The following SFXN5 variants were observed in gnomAD, a reference collection of about 807,000 sequenced individuals.
SFXN5 encodes sideroflexin-5.
A neutral mutation model predicts 50.2 loss-of-function variants in SFXN5; 43 were observed. The ratio of observed to expected loss-of-function variants is 0.86; its 90% confidence interval spans 0.67 to 1.11. SFXN5 has a LOEUF of 1.11. Among genes scored for constraint, SFXN5 ranks in the 50% least tolerant of loss-of-function variants. The pLI, the probability that SFXN5 is intolerant of heterozygous loss-of-function variation, is 0.00. For missense variants in SFXN5, 463 were observed against 454.1 expected (o/e 1.02, Z -0.18); for synonymous variants, 203 against 185.8 (o/e 1.09, Z -0.75).
chr2:73,066,165 T>C (rs1001117609), intron 1 of SFXN5, among the ~76,000 whole-genome samples: 6 of 151,532 alleles, frequency 4.0e-5, no homozygotes, highest in Admixed American at 1.3e-4. Flanking sequence ...ACCACAGAGA[T>C]GCCATCAGCA....
chr2:73,041,720 T>G, intron 2 of SFXN5: 1 of 335,202 alleles, frequency 3.0e-6, no homozygotes, highest in South Asian at 2.3e-5. Flanking sequence ...CTCTTTTTCC[T>G]GAGACAACGT....
At chr2:72,984,811 G>T (rs1309931594) in intron 10 of SFXN5, among the ~76,000 whole-genome samples, 1 of 152,172 alleles carries the variant, frequency 6.6e-6, no homozygotes, top group Non-Finnish European at 1.5e-5. Flanking sequence ...GGTAGAATGG[G>T]GTGGGAATGG....
chr2:73,055,019 T>C (rs1277739620), intron 2 of SFXN5, among the ~76,000 whole-genome samples: 7 of 152,266 alleles, frequency 4.6e-5, no homozygotes, highest in Admixed American at 6.5e-5. Context: ...CCACATTTCA[T>C]GTTACTGGGC....
rs542860165 is a variant in SFXN5 at position 73,007,964 on chromosome 2, G to A, written c.358-6386C>T. On this transcript the variant is annotated intron_variant, in intron 6 of 13. Coordinates refer to ENST00000272433, the MANE Select transcript of SFXN5 (RefSeq NM_144579.3). The stretch of plus-strand genomic sequence containing the variant: ...GCGACACCTCCTGTGTGGTGAGCTA[G>A]GTCAACATGGCTGGGGTCTGGTAAT... 9.2e-5 allele frequency among the ~76,000 whole-genome samples: 14 copies of A among 152,314 alleles called. No individual in the cohort carries two copies. In the South Asian group the frequency reaches 2.9e-3, roughly 32 times the overall value.
chr2:73,000,449 T>G lies in SFXN5; in HGVS notation c.450A>C (p.Ala150=), dbSNP rs146657142. 229 of 1,560,236 alleles carry G rather than the reference T, an allele frequency of 1.5e-4. No individual in the cohort carries two copies. In the African/African-American group the frequency reaches 2.7e-3, roughly 18 times the overall value. The change falls in exon 8 of 14, where the codon GCA becomes GCC. Residue 150 remains alanine, a synonymous_variant. Coordinates refer to ENST00000272433, the MANE Select transcript of SFXN5 (RefSeq NM_144579.3). Reference sequence around the variant, plus strand: ...TGCTCACCTTGGTCGCATTGCGGTTTGCATAGTTGACACAGGCATTGTGGC... The same window carrying G: ...TGCTCACCTTGGTCGCATTGCGGTTGGCATAGTTGACACAGGCATTGTGGC... ...NQSHNACVNY[A]NRNATKPSPA...
rs2105340202 is a variant in SFXN5 at position 72,953,160 on chromosome 2, T to C, written c.945+7971A>G. On this transcript the variant is annotated intron_variant, in intron 13 of 13. Coordinates refer to ENST00000272433, the MANE Select transcript of SFXN5 (RefSeq NM_144579.3). This position sits in a 1 kb window ranked among gnomAD's most constrained non-coding sequence, Gnocchi z 4.1. ...TGTGGGGAACAGGCAAAATGACAGGTGGCGTTGGCGTTCCTGGGCTCTGAG... is the reference window on the plus strand; with the variant it reads ...TGTGGGGAACAGGCAAAATGACAGGCGGCGTTGGCGTTCCTGGGCTCTGAG... Among the ~76,000 whole-genome samples the C allele has an allele frequency of 6.6e-6, 1 of 152,176 alleles. No homozygotes were observed. Among genetic ancestry groups the C allele is most frequent in the South Asian group, 2.1e-4 (1 of 4,820 alleles).
chr2:72,968,307 AGC>A (rs1674700221), intron 12 of SFXN5, 139 bp downstream of exon 12: 30 of 704,230 alleles, frequency 4.3e-5, no homozygotes, highest in Non-Finnish European at 6.6e-5. Context: ...TCCAAGATGG[AGC>A]AAGACACCTT....
At chr2:73,003,220 G>A (rs1185962603) in intron 6 of SFXN5, among the ~76,000 whole-genome samples, 4 of 152,088 alleles carry the variant, frequency 2.6e-5, no homozygotes, top group African/African-American at 4.8e-5. Context: ...TTCTACCACC[G>A]GAGGAAGTTA....
At position 73,071,606 on chromosome 2, in the gene SFXN5, G is replaced by A. The variant is rs1213486041; in HGVS notation, c.100C>T (p.Gln34Ter). Residue 34 changes from glutamine to a stop codon, truncating the protein, a stop_gained and splice_region_variant, in exon 1 of 14, where the codon CAG (glutamine) becomes TAG (stop). Transcript: ENST00000272433. LOFTEE classifies it high-confidence loss of function. The stretch of plus-strand genomic sequence containing the variant: ...GCAGACCACAGCCCGGTCCTCACCT[G>A]CTGGAAGCGGGGTTTGCCCAGTTGG... Reference protein sequence around the residue: ...PFQLGKPRFQQTSFYGRFRHF... With the variant: ...PFQLGKPRFQ 6.2e-7 allele frequency: 1 copy of A among 1,613,622 alleles called. No homozygotes were observed. The highest frequency in any genetic ancestry group is 1.1e-5 in the South Asian group (1 of 91,012).
chr2:73,018,806 T>A (rs1047734445), intron 6 of SFXN5, among the ~76,000 whole-genome samples: 1 of 152,236 alleles, frequency 6.6e-6, no homozygotes, highest in African/African-American at 2.4e-5. Flanking sequence ...ATATAGTAAG[T>A]GCATCTTCAG....
chr2:72,952,751 G>A (rs1013869468), intron 13 of SFXN5, among the ~76,000 whole-genome samples: 2 of 152,140 alleles, frequency 1.3e-5, no homozygotes, highest in East Asian at 1.9e-4. Context: ...CTGGTGCCAC[G>A]AGGATTATAT....
chr2:72,999,747 A>G (rs1020110782), intron 8 of SFXN5, among the ~76,000 whole-genome samples: 6 of 152,122 alleles, frequency 3.9e-5, no homozygotes, highest in African/African-American at 1.4e-4. Flanking sequence ...CCCCAAGGTG[A>G]GCAAATGTTA....
chr2:73,061,723 G>C (rs1244413722), intron 1 of SFXN5, among the ~76,000 whole-genome samples: 1 of 152,022 alleles, frequency 6.6e-6, no homozygotes, highest in Non-Finnish European at 1.5e-5. Context: ...GCTTATGTAT[G>C]ATTTATATTT....
chr2:72,970,128 G>T (rs1354652422), intron 11 of SFXN5, among the ~76,000 whole-genome samples: 1 of 152,198 alleles, frequency 6.6e-6, no homozygotes, highest in Non-Finnish European at 1.5e-5. Flanking sequence ...AGTTATCATG[G>T]CATGGCTGTC....
intron 12 of SFXN5, among the ~76,000 whole-genome samples, chr2:72,965,148 G>A (rs1282755445): frequency 6.6e-6 from 1 of 152,216 alleles, no homozygotes; most frequent in African/African-American, 2.4e-5. Flanking sequence ...CATCAGTGGA[G>A]GAACACACAA....
Position 73,036,788 on chromosome 2 carries a change from G to T in SFXN5, c.249+4066C>A, listed in dbSNP as rs375437790. On this transcript the variant is annotated intron_variant, in intron 3 of 13. Transcript: ENST00000272433. ...ACAGGTCTCAGAAGAACACGAAAAG[G>T]GCTGGGGACTGCTTCGGCCTGAGTA... Among the ~76,000 whole-genome samples the T allele has an allele frequency of 1.1e-4, 16 of 152,342 alleles. No homozygotes were observed. The South Asian group carries it at 3.3e-3, about 32-fold the overall frequency.
At chr2:73,026,108 T>A (rs922092775) in intron 3 of SFXN5, among the ~76,000 whole-genome samples, 1 of 150,720 alleles carries the variant, frequency 6.6e-6, no homozygotes, top group African/African-American at 2.5e-5. Flanking sequence ...ATTCCAGTGG[T>A]CTAATGCTGT....
At chr2:73,031,700 T>A (rs902317640) in intron 3 of SFXN5, among the ~76,000 whole-genome samples, 6 of 152,158 alleles carry the variant, frequency 3.9e-5, no homozygotes, top group Non-Finnish European at 7.3e-5. Context: ...GGGAGGAACA[T>A]CTCCATTTTC....
chr2:72,968,622 C>T, intron 11 of SFXN5, 89 bp from the exon 12 acceptor site: 4 of 1,234,764 alleles, frequency 3.2e-6, no homozygotes, highest in Non-Finnish European at 4.7e-6. Context: ...TGTGCCACCA[C>T]AACGCATGTG....
Sources: gnomAD v4.1 joint callset for allele counts (sites outside exome capture counted in the v4.1 genomes callset) on GRCh38, gnomAD v4.1.1 for gene constraint, Gnocchi (gnomAD v3.1) non-coding constraint, MANE v1.5 for transcripts, NCBI Gene and HGNC (gene_info 2026-07-23, HGNC 2026-07-21) for gene names.